The following SOX6 variants were observed in gnomAD, a reference collection of about 807,000 sequenced individuals.
The protein encoded by SOX6 is transcription factor SOX-6.
Under a neutral mutation model 97.8 loss-of-function variants are expected in SOX6, and 11 were observed. The observed-to-expected ratio is 0.11, with a 90% CI of 0.07 to 0.19. The LOEUF (loss-of-function observed/expected upper bound fraction) is 0.19. Ranked by LOEUF, SOX6 falls within the 10% of genes least tolerant of loss-of-function variation. The pLI is 1.00. For missense variants in SOX6, 810 were observed against 1,039.5 expected (o/e 0.78, Z 3.04); for synonymous variants, 360 against 371.4 (o/e 0.97, Z 0.35).
chr11:16,154,574 T>C (rs1427848903), intron 6 of SOX6, among the ~76,000 whole-genome samples: 2 of 152,092 alleles, frequency 1.3e-5, no homozygotes, highest in Non-Finnish European at 2.9e-5. Context: ...TAATCACCTG[T>C]CTCCGAATTA....
At chr11:16,646,850 T>C (rs1436448981) in intron 3 of SOX6, among the ~76,000 whole-genome samples, 4 of 152,206 alleles carry the variant, frequency 2.6e-5, no homozygotes, top group Non-Finnish European at 5.9e-5. Flanking sequence ...TAAACATGCA[T>C]GTGCAAGTAT....
At chr11:16,485,415 C>G (rs1173318868) in intron 4 of SOX6, among the ~76,000 whole-genome samples, 1 of 151,916 alleles carries the variant, frequency 6.6e-6, no homozygotes, top group Non-Finnish European at 1.5e-5. Context: ...GTGAGACCCC[C>G]GTCTCTACAA....
intron 9 of SOX6, among the ~76,000 whole-genome samples, chr11:16,091,849 G>A (rs1420304663): frequency 6.6e-6 from 1 of 151,812 alleles, no homozygotes; most frequent in East Asian, 1.9e-4. Context: ...CTTTCATTTA[G>A]GCTACTATCC....
intron 1 of SOX6, among the ~76,000 whole-genome samples, chr11:16,355,164 T>C (rs1235087259): frequency 6.6e-6 from 1 of 152,066 alleles, no homozygotes; most frequent in African/African-American, 2.4e-5. Flanking sequence ...TTGAGATCAC[T>C]ATTTCCACAA....
Position 15,972,963 on chromosome 11 carries a change from C to T in SOX6, c.2333G>A (p.Ser778Asn). The change falls in exon 16 of 16, where the codon AGC becomes AAC. Residue 778 changes from serine to asparagine, a missense_variant. Coordinates refer to ENST00000683767, the MANE Select transcript of SOX6 (RefSeq NM_001367873.1). The stretch of plus-strand genomic sequence containing the variant: ...GCCATCTGTCTTCATACCATAAGTG[C>T]TCTGGATGACCGGGAGGCTGGGCTC... Reference protein sequence around the residue: ...SPEPSLPVIQSTYGMKTDGGS... With the variant: ...SPEPSLPVIQNTYGMKTDGGS... 6.2e-7 allele frequency: 1 copy of T among 1,614,224 alleles called. No homozygotes were observed. Among genetic ancestry groups the T allele is most frequent in the South Asian group, 1.1e-5 (1 of 91,084 alleles).
At chr11:16,488,058 T>C (rs188534753) in intron 4 of SOX6, among the ~76,000 whole-genome samples, 60 of 152,290 alleles carry the variant, frequency 3.9e-4, no homozygotes, top group Non-Finnish European at 7.4e-4. Context: ...CATTTCTAAA[T>C]TCACGGTAGA....
At chr11:16,007,129 C>T (rs4478958) in intron 13 of SOX6, among the ~76,000 whole-genome samples, 13,602 of 151,970 alleles carry the variant, frequency 0.09, 1,256 homozygotes, top group East Asian at 0.36. Flanking sequence ...GAAATGAATC[C>T]TTTGGCAATT....
intron 11 of SOX6, among the ~76,000 whole-genome samples, chr11:16,049,274 C>T (rs1847622608): frequency 6.6e-6 from 1 of 152,120 alleles, no homozygotes; most frequent in South Asian, 2.1e-4. Context: ...GACATTATGA[C>T]ATCTTTTCCT....
rs1853193738 is a variant in SOX6, at chr11:15,968,106, CAG to C, written c.*4701_*4702del. 6.6e-6 allele frequency: 1 copy of C among 152,188 alleles called. No individual in the cohort carries two copies. Among genetic ancestry groups the C allele is most frequent in the South Asian group, 2.1e-4 (1 of 4,820 alleles). The allele number at this position is 152,188 out of a possible 1,614,324, so 9.4% of individuals were successfully genotyped here. Reference sequence around the variant, plus strand: ...GAACATCATTGGCAGGAATAACAGACAGAAGTTGTTTATTAGGGAAGAAAACA... The same window carrying C: ...GAACATCATTGGCAGGAATAACAGACAAGTTGTTTATTAGGGAAGAAAACA... On this transcript the variant is annotated 3_prime_UTR_variant, in exon 16 of 16. Coordinates refer to ENST00000683767, the MANE Select transcript of SOX6 (RefSeq NM_001367873.1).
rs1404626040 is a variant in SOX6, at chr11:16,600,767, T to C, written n.609+11314A>G. ...CAGAACAAGGAAAATAAAAACACTT[T>C]CCTGTGAATAAATAATGAATATATA... On this transcript the variant is annotated intron_variant and non_coding_transcript_variant, in intron 4 of 5. Transcript: ENST00000524520. Among the ~76,000 whole-genome samples, 41 of 152,158 alleles carry C rather than the reference T, an allele frequency of 2.7e-4. 1 individual carries two copies. Among genetic ancestry groups the C allele is most frequent in the Admixed American group, 2.5e-3 (38 of 15,272 alleles).
At chr11:16,219,013 T>G (rs1248877109) in intron 4 of SOX6, among the ~76,000 whole-genome samples, 1 of 152,112 alleles carries the variant, frequency 6.6e-6, no homozygotes, top group Non-Finnish European at 1.5e-5. Flanking sequence ...GCATTAGGGA[T>G]CTTTTTCAGT....
At chr11:16,646,643 T>G (rs1468798379) in intron 3 of SOX6, among the ~76,000 whole-genome samples, 1 of 152,114 alleles carries the variant, frequency 6.6e-6, no homozygotes, top group East Asian at 1.9e-4. Flanking sequence ...TTCCCCTGAG[T>G]CCCACAGCCC....
intron 4 of SOX6, among the ~76,000 whole-genome samples, chr11:16,205,462 A>C (rs1852048261): frequency 6.6e-6 from 1 of 152,080 alleles, no homozygotes; most frequent in African/African-American, 2.4e-5. Flanking sequence ...TAAGAGTAAG[A>C]GCTTATGTAA....
In SOX6 at chr11:16,567,733, A is replaced by ATTTTTTT; in HGVS notation, n.609+44341_609+44347dup. On this transcript the variant is annotated intron_variant and non_coding_transcript_variant, in intron 4 of 5. Transcript: ENST00000524520. ...AGGTGCATGCCACCACGCCTGGCTGATTTTTTTTTTTTTTTGTATTTTTAG... is the reference window on the plus strand; with the variant it reads ...AGGTGCATGCCACCACGCCTGGCTGATTTTTTTTTTTTTTTTTTTTTTGTATTTTTAG... Among the ~76,000 whole-genome samples, 4 of 129,632 alleles carry ATTTTTTT rather than the reference A, an allele frequency of 3.1e-5. 1 individual carries two copies. Among genetic ancestry groups the ATTTTTTT allele is most frequent in the Non-Finnish European group, 6.4e-5 (4 of 62,176 alleles). The allele number at this position is 129,632 out of a possible 152,430, so 85.0% of individuals were successfully genotyped here.
intron 4 of SOX6, among the ~76,000 whole-genome samples, chr11:16,511,727 G>C (rs1400569389): frequency 1.3e-5 from 2 of 152,130 alleles, no homozygotes; most frequent in African/African-American, 4.8e-5. Context: ...TGTTTACCTT[G>C]AAATAAGACT....
Position 16,097,544 on chromosome 11 carries a change from G to T in SOX6, c.978+65C>A, listed in dbSNP as rs950326627. On this transcript the variant is annotated intron_variant, in intron 8 of 15. Transcript: ENST00000683767. ...CATTCAGGCCATTATTTAGCATACA[G>T]CTGGTTAGCAGTTTTCCACTAAAGT... 154 of 1,360,986 alleles carry T rather than the reference G, an allele frequency of 1.1e-4. 1 individual carries two copies. Among genetic ancestry groups the T allele is most frequent in the Middle Eastern group, 3.6e-4 (2 of 5,612 alleles). 84.3% of individuals were successfully genotyped at this position (1,360,986 alleles called of 1,614,324 possible).
chr11:16,505,794 G>A (rs1860776220), intron 4 of SOX6, among the ~76,000 whole-genome samples: 1 of 152,174 alleles, frequency 6.6e-6, no homozygotes, highest in Non-Finnish European at 1.5e-5. Flanking sequence ...TCCAGCCATG[G>A]CTAAAAAGGC....
At chr11:16,425,799 T>C (rs1158183653) in intron 1 of SOX6, among the ~76,000 whole-genome samples, 1 of 152,042 alleles carries the variant, frequency 6.6e-6, no homozygotes, top group African/African-American at 2.4e-5. Context: ...AAACCACTGC[T>C]CACAGAAATC....
intron 3 of SOX6, among the ~76,000 whole-genome samples, chr11:16,618,478 T>A (rs1590012627): frequency 6.6e-6 from 1 of 152,042 alleles, no homozygotes; most frequent in Admixed American, 6.5e-5. Flanking sequence ...GTATTTTTTT[T>A]AATGAAGTCT....
Sources: gnomAD v4.1 joint callset for allele counts (sites outside exome capture counted in the v4.1 genomes callset) on GRCh38, gnomAD v4.1.1 for gene constraint, MANE v1.5 for transcripts, NCBI Gene and HGNC (gene_info 2026-07-23, HGNC 2026-07-21) for gene names.